Variants in ZYG11B observed in about 807,000 individuals in gnomAD.
ZYG11B encodes zyg-11 family member B, cell cycle regulator.
Under a neutral mutation model 82.4 loss-of-function variants are expected in ZYG11B, and 36 were observed. The ratio of observed to expected loss-of-function variants is 0.44; its 90% CI spans 0.33 to 0.58. The LOEUF is 0.58. Ranked by LOEUF, ZYG11B falls within the 20% of genes least tolerant of loss-of-function variation. ZYG11B has a pLI of 0.02. For synonymous variants in ZYG11B, 303 were observed against 312.8 expected, an observed-to-expected ratio of 0.97 and a Z score of 0.33; for missense variants, 552 against 895.6, an observed-to-expected ratio of 0.62 and a Z score of 4.90.
chr1:52,765,802 C>T (rs1442586269), intron 2 of ZYG11B, among the ~76,000 whole-genome samples: 1 of 152,124 alleles, frequency 6.6e-6, no homozygotes, highest in African/African-American at 2.4e-5. Flanking sequence ...TGTGCCTGCT[C>T]ATTATTTCTT....
chr1:52,742,711 A>G (rs1471000696), intron 1 of ZYG11B, among the ~76,000 whole-genome samples: 1 of 151,758 alleles, frequency 6.6e-6, no homozygotes, highest in African/African-American at 2.4e-5. Flanking sequence ...GCGTGGTTGC[A>G]GGCGCCTGTA....
At chr1:52,797,165 A>G (rs1645024700) in intron 8 of ZYG11B, among the ~76,000 whole-genome samples, 1 of 67,880 alleles carries the variant, frequency 1.5e-5, no homozygotes, top group Non-Finnish European at 2.2e-5. Flanking sequence ...TTTATATATT[A>G]TATATTATAT....
intron 1 of ZYG11B, among the ~76,000 whole-genome samples, chr1:52,742,478 G>C (rs1384174609): frequency 6.6e-6 from 1 of 151,736 alleles, no homozygotes; most frequent in Non-Finnish European, 1.5e-5. Context: ...TAGAAAAAGA[G>C]ATGTAAAAGA....
At chr1:52,732,120 A>G (rs1302639565) in intron 1 of ZYG11B, among the ~76,000 whole-genome samples, 1 of 152,206 alleles carries the variant, frequency 6.6e-6, no homozygotes, top group African/African-American at 2.4e-5. Flanking sequence ...TTCTTATGAC[A>G]GTGACATTTT....
intron 1 of ZYG11B, among the ~76,000 whole-genome samples, chr1:52,727,596 GATTTGTTTTC>G (rs1644296724): frequency 1.3e-5 from 2 of 152,146 alleles, no homozygotes; most frequent in Non-Finnish European, 2.9e-5. Flanking sequence ...AAAAACAAAT[GATTTGTTTTC>G]ATTTGGAGGC....
In ZYG11B at chr1:52,771,332, C is replaced by T; in HGVS notation, c.509C>T (p.Thr170Met). Residue 170 changes from threonine (T) to methionine (M), a missense_variant, in exon 3 of 14, where the codon ACG becomes ATG. Thr to Met is a moderately conservative substitution (Grantham distance 81, BLOSUM62 -1). Transcript: ENST00000294353. The surrounding 1 kb of genome is among the most constrained non-coding windows in gnomAD (Gnocchi z 5.4). ...RLSGLRALSITNVLFYNEDLA... is the reference protein window; with the variant it reads ...RLSGLRALSIMNVLFYNEDLA... The stretch of plus-strand genomic sequence containing the variant: ...TCTGGCCTTCGAGCTTTAAGCATCA[C>T]GAATGTTCTCTTTTACAATGAAGAC... 6.2e-7 allele frequency: 1 copy of T among 1,614,178 alleles called. No individual in the cohort carries two copies. The highest frequency in any genetic ancestry group is 8.5e-7 in the Non-Finnish European group (1 of 1,180,044).
chr1:52,776,227 AAAATATATAT>A (rs1255008361), intron 3 of ZYG11B, among the ~76,000 whole-genome samples: 1 of 2,920 alleles, frequency 3.4e-4, no homozygotes, highest in Non-Finnish European at 3.0e-3. Flanking sequence ...CTTAAAAAAA[AAAATATATAT>A]ATATATATGC....
rs569996532 is a variant in ZYG11B, at chr1:52,737,576, G to T, written c.30+10893G>T. On this transcript the variant is annotated intron_variant, in intron 1 of 13. Transcript: ENST00000294353. ...GAGGTCAGGAGTTCAAGACCACCTG[G>T]CTAACATAGTGGGAGCCCATGTCTA... is the stretch of plus-strand genomic sequence containing the variant. 2.0e-5 allele frequency among the ~76,000 whole-genome samples: 3 copies of T among 152,206 alleles called. No homozygotes were observed. In the South Asian group the frequency reaches 6.2e-4, roughly 32 times the overall value.
intron 13 of ZYG11B, among the ~76,000 whole-genome samples, chr1:52,818,393 C>T (rs1645253104): frequency 6.6e-6 from 1 of 151,908 alleles, no homozygotes; most frequent in Non-Finnish European, 1.5e-5. Flanking sequence ...GCAGCATCAT[C>T]TGAGCCCAGA....
Position 52,771,302 on chromosome 1 carries a change from G to A in ZYG11B, c.479G>A (p.Arg160Gln), listed in dbSNP as rs754712309. ...LEDPYERCFS[R>Q]LSGLRALSIT... ...GATCCTTACGAGCGCTGCTTCAGCC[G>A]GCTTTCTGGCCTTCGAGCTTTAAGC... Residue 160 changes from arginine to glutamine, a missense_variant, in exon 3 of 14, where the codon CGG (arginine) becomes CAG (glutamine). Coordinates refer to ENST00000294353, the MANE Select transcript of ZYG11B (RefSeq NM_024646.3). The surrounding 1 kb of genome is among the most constrained non-coding windows in gnomAD (Gnocchi z 5.4). The A allele has an allele frequency of 6.2e-6, 10 of 1,614,204 alleles. No homozygotes were observed. The highest frequency in any genetic ancestry group is 2.2e-5 in the East Asian group (1 of 44,890).
At chr1:52,809,352 G>T (rs1645165635) in intron 10 of ZYG11B, among the ~76,000 whole-genome samples, 1 of 151,966 alleles carries the variant, frequency 6.6e-6, no homozygotes, top group Non-Finnish European at 1.5e-5. Flanking sequence ...GCAGGCCCTG[G>T]TAACCACCAT....
chr1:52,775,605 T>A (rs1644797074), intron 3 of ZYG11B, among the ~76,000 whole-genome samples: 1 of 151,542 alleles, frequency 6.6e-6, no homozygotes, highest in Non-Finnish European at 1.5e-5. Flanking sequence ...GCAGGAGAAT[T>A]GCTTGAACCT....
Position 52,771,398 on chromosome 1 carries a change from A to G in ZYG11B, c.575A>G (p.Asp192Gly). ...VASLPRLESL[D>G]ISNTSITDIT... is the part of the protein sequence containing the mutation. ...TCATTGCCAAGATTAGAGAGCTTGGATATTTCTAACACCTCAATCACAGAC... is the reference window on the plus strand; with the variant it reads ...TCATTGCCAAGATTAGAGAGCTTGGGTATTTCTAACACCTCAATCACAGAC... Residue 192 changes from aspartate to glycine, a missense_variant, in exon 3 of 14, where the codon GAT (aspartate) becomes GGT (glycine). By Grantham distance (94) the Asp-to-Gly change is moderately conservative. Transcript: ENST00000294353. This position sits in a 1 kb window ranked among gnomAD's most constrained non-coding sequence, Gnocchi z 5.4. 1.9e-6 allele frequency: 3 copies of G among 1,614,154 alleles called. No individual in the cohort carries two copies. Among genetic ancestry groups the G allele is most frequent in the African/African-American group, 1.3e-5 (1 of 75,058 alleles).
At chr1:52,764,946 G>T (rs777351113) in intron 2 of ZYG11B, among the ~76,000 whole-genome samples, 1 of 151,972 alleles carries the variant, frequency 6.6e-6, no homozygotes, top group Non-Finnish European at 1.5e-5. Flanking sequence ...GATGTTCTTT[G>T]CTCTTCTCAG....
intron 1 of ZYG11B, among the ~76,000 whole-genome samples, chr1:52,733,331 T>G (rs929657129): frequency 3.0e-4 from 46 of 152,248 alleles, no homozygotes; most frequent in African/African-American, 1.1e-3. Flanking sequence ...GTTCTAGAGG[T>G]CATGCTTAAT....
chr1:52,786,859 G>C (rs544910406), intron 5 of ZYG11B, among the ~76,000 whole-genome samples: 18 of 152,286 alleles, frequency 1.2e-4, no homozygotes, highest in Non-Finnish European at 2.4e-4. Context: ...GGGAGGCCAA[G>C]GCAGGCATAT....
chr1:52,731,284 GAAA>G (rs68054450), intron 1 of ZYG11B, among the ~76,000 whole-genome samples: 12 of 139,066 alleles, frequency 8.6e-5, no homozygotes, highest in African/African-American at 2.8e-4. Context: ...CAAAAAAAAA[GAAA>G]AAAAAAAAAA....
At chr1:52,731,103 T>A (rs894493598) in intron 1 of ZYG11B, among the ~76,000 whole-genome samples, 6 of 151,876 alleles carry the variant, frequency 4.0e-5, no homozygotes, top group Non-Finnish European at 7.4e-5. Flanking sequence ...AGAAACCCCG[T>A]CTCTACTAAA....
intron 2 of ZYG11B, among the ~76,000 whole-genome samples, chr1:52,768,875 T>G (rs1416983157): frequency 6.6e-6 from 1 of 152,210 alleles, no homozygotes; most frequent in East Asian, 1.9e-4. Context: ...ATTATAGGCA[T>G]GAGCCACTGC....
Sources: allele counts gnomAD v4.1 joint callset (sites outside exome capture counted in the v4.1 genomes callset), GRCh38; gene constraint gnomAD v4.1.1; non-coding constraint Gnocchi (gnomAD v3.1); transcripts MANE v1.5; gene names NCBI Gene and HGNC (gene_info 2026-07-23, HGNC 2026-07-21).